PRKG1: variants seen among roughly 807,000 people sequenced by gnomAD.
PRKG1 encodes cGMP-dependent protein kinase 1.
A neutral mutation model predicts 88.1 loss-of-function variants in PRKG1; 35 were observed. That is an observed-to-expected ratio of 0.40 (90% CI 0.30 to 0.53). PRKG1 has a LOEUF of 0.53. Among genes scored for constraint, PRKG1 ranks in the 20% least tolerant of loss-of-function variants. PRKG1 has a pLI of 0.59. For missense variants in PRKG1, 540 were observed against 839.8 expected (o/e 0.64, Z 4.41); for synonymous variants, 303 against 292.5 (o/e 1.04, Z -0.37).
chr10:51,240,662 T>A (rs72793269), intron 2 of PRKG1, among the ~76,000 whole-genome samples: 1,613 of 152,262 alleles, frequency 0.011, 14 homozygotes, highest in Non-Finnish European at 0.016. Context: ...TCAAACAAAA[T>A]CCTGCAGGGA....
chr10:51,649,265 C>T (rs1023211169), intron 3 of PRKG1, among the ~76,000 whole-genome samples: 2 of 151,998 alleles, frequency 1.3e-5, no homozygotes, highest in Admixed American at 6.6e-5. Flanking sequence ...CATGATGAGT[C>T]ATTGCTATTT....
At chr10:51,260,047 C>G (rs993604160) in intron 2 of PRKG1, among the ~76,000 whole-genome samples, 1 of 152,260 alleles carries the variant, frequency 6.6e-6, no homozygotes, top group East Asian at 1.9e-4. Flanking sequence ...TATGCATACA[C>G]TCACATGTGT....
chr10:51,524,322 G>A (rs949960395), intron 3 of PRKG1, among the ~76,000 whole-genome samples: 3 of 152,134 alleles, frequency 2.0e-5, no homozygotes, highest in East Asian at 1.9e-4. Context: ...TGGGAAAAAT[G>A]GTGATTTAAG....
At chr10:52,019,278 G>T (rs1033368138) in intron 5 of PRKG1, among the ~76,000 whole-genome samples, 3 of 152,134 alleles carry the variant, frequency 2.0e-5, no homozygotes, top group Non-Finnish European at 4.4e-5. Flanking sequence ...TCACCACGAG[G>T]TTTGTGAGGG....
intron 5 of PRKG1, chr10:52,047,048 A>G (rs1178134527): frequency 6.6e-6 from 1 of 152,138 alleles, no homozygotes; most frequent in East Asian, 1.9e-4. Flanking sequence ...AGAGATGCGT[A>G]ATTCCTCATA....
chr10:51,078,590 ATATTTATTTATTTATT>A (rs35676352), intron 1 of PRKG1, among the ~76,000 whole-genome samples: 82 of 137,310 alleles, frequency 6.0e-4, no homozygotes, highest in African/African-American at 1.1e-3. Context: ...ATATTTATTT[ATATTTATTTATTTATT>A]TATTTATTTA....
intron 5 of PRKG1, among the ~76,000 whole-genome samples, chr10:52,011,198 C>T (rs1385504270): frequency 1.3e-5 from 2 of 152,120 alleles, no homozygotes; most frequent in African/African-American, 4.8e-5. Flanking sequence ...ACTTTTTTCC[C>T]TTTAAGTTTC....
At chr10:51,075,172 A>T (rs573169219) in intron 1 of PRKG1, among the ~76,000 whole-genome samples, 1 of 152,310 alleles carries the variant, frequency 6.6e-6, no homozygotes, top group East Asian at 1.9e-4. Flanking sequence ...TAGTGTACGT[A>T]GAGTTTGAAC....
chr10:52,153,717 T>G (rs1213961130), intron 8 of PRKG1, among the ~76,000 whole-genome samples: 1 of 152,170 alleles, frequency 6.6e-6, no homozygotes, highest in African/African-American at 2.4e-5. Flanking sequence ...ATCAGCATAC[T>G]GCAAAAATTT....
intron 2 of PRKG1, among the ~76,000 whole-genome samples, chr10:51,284,905 T>TTA (rs1840399028): frequency 6.7e-6 from 1 of 149,616 alleles, no homozygotes; most frequent in African/African-American, 2.5e-5. Flanking sequence ...TCTTTTTTTT[T>TTA]TTATTATACT....
chr10:51,696,394 A>G (rs1841293850), intron 3 of PRKG1: 1 of 152,174 alleles, frequency 6.6e-6, no homozygotes, highest in African/African-American at 2.4e-5. Flanking sequence ...TGTATAACTC[A>G]TCCAGATCAA....
intron 10 of PRKG1, among the ~76,000 whole-genome samples, chr10:52,270,165 A>T (rs184486737): frequency 8.9e-4 from 136 of 152,264 alleles, no homozygotes; most frequent in African/African-American, 3.1e-3. Context: ...AACAGTCTGC[A>T]GTCTCAGCAG....
At chr10:51,572,252 A>G (rs1837775618) in intron 3 of PRKG1, among the ~76,000 whole-genome samples, 1 of 151,902 alleles carries the variant, frequency 6.6e-6, no homozygotes, top group Non-Finnish European at 1.5e-5. Context: ...ACACTGTGCC[A>G]TGTGATATTT....
At chr10:52,093,587 A>G (rs2133327281) in intron 7 of PRKG1, among the ~76,000 whole-genome samples, 1 of 152,332 alleles carries the variant, frequency 6.6e-6, no homozygotes, top group South Asian at 2.1e-4. Context: ...TAATAGATGG[A>G]TGACAGGCAA....
At chr10:51,638,646 A>G (rs1839718020) in intron 3 of PRKG1, among the ~76,000 whole-genome samples, 2 of 152,176 alleles carry the variant, frequency 1.3e-5, no homozygotes, top group Non-Finnish European at 2.9e-5. Context: ...TTGTTATAAT[A>G]TGGAATATAA....
intron 3 of PRKG1, among the ~76,000 whole-genome samples, chr10:51,592,581 G>C (rs1027482152): frequency 6.6e-6 from 1 of 152,078 alleles, no homozygotes; most frequent in Admixed American, 6.6e-5. Context: ...CATGGCCTTC[G>C]TCTGTCCCTA....
chr10:51,573,170 T>C (rs1177298940), intron 3 of PRKG1, among the ~76,000 whole-genome samples: 1 of 151,756 alleles, frequency 6.6e-6, no homozygotes, highest in Non-Finnish European at 1.5e-5. Context: ...TCACCTGTCT[T>C]GCATCCAGAT....
intron 9 of PRKG1, among the ~76,000 whole-genome samples, chr10:52,218,368 G>C (rs1201779762): frequency 6.6e-6 from 1 of 151,988 alleles, no homozygotes; most frequent in Non-Finnish European, 1.5e-5. Context: ...GCCATATAGA[G>C]AGACAGAATC....
chr10:51,859,957 C>CA (rs1368036599), intron 4 of PRKG1, among the ~76,000 whole-genome samples: 3 of 152,118 alleles, frequency 2.0e-5, no homozygotes, highest in Non-Finnish European at 2.9e-5. Context: ...AAATACTAAT[C>CA]ATATATAGTT....
Sources: gnomAD v4.1 joint callset for allele counts (sites outside exome capture counted in the v4.1 genomes callset) on GRCh38, gnomAD v4.1.1 for gene constraint, MANE v1.5 for transcripts, NCBI Gene and HGNC (gene_info 2026-07-23, HGNC 2026-07-21) for gene names.